Variants in AGPS observed in about 807,000 individuals in gnomAD.
The protein encoded by AGPS is alkylglycerone phosphate synthase, also known as alkyldihydroxyacetonephosphate synthase, peroxisomal.
A neutral mutation model predicts 90.7 loss-of-function variants in AGPS; 26 were observed. That is an observed-to-expected ratio of 0.29 (90% CI 0.21 to 0.40). The LOEUF (loss-of-function observed/expected upper bound fraction) is 0.40. AGPS is among the 10% of genes least tolerant of loss of function. The pLI, the probability that AGPS is intolerant of heterozygous loss-of-function variation, is 1.00. For missense variants in AGPS, 540 were observed against 816.1 expected (o/e 0.66, Z 4.12); for synonymous variants, 294 against 285.3 (o/e 1.03, Z -0.31).
intron 8 of AGPS, among the ~76,000 whole-genome samples, chr2:177,456,758 G>A (rs186164203): frequency 1.4e-3 from 219 of 152,016 alleles, no homozygotes; most frequent in Middle Eastern, 0.01. Context: ...GTGTAACACC[G>A]CACTGTTAAT....
At chr2:177,482,749 G>T (rs1299295975) in intron 11 of AGPS, among the ~76,000 whole-genome samples, 6 of 151,796 alleles carry the variant, frequency 4.0e-5, no homozygotes, top group Non-Finnish European at 8.8e-5. Flanking sequence ...AAGCTAAAAA[G>T]AATTTTTATT....
chr2:177,538,017 T>C, intron 19 of AGPS, 57 bp from the exon 20 acceptor site: 2 of 1,600,152 alleles, frequency 1.2e-6, no homozygotes, highest in Non-Finnish European at 1.7e-6. Context: ...GTCACAAGAT[T>C]GATTGGTTCC....
intron 5 of AGPS, among the ~76,000 whole-genome samples, chr2:177,438,584 G>T (rs549545661): frequency 6.6e-6 from 1 of 152,066 alleles, no homozygotes; most frequent in African/African-American, 2.4e-5. Flanking sequence ...TTCCAAATCA[G>T]TTCCTTCTCA....
chr2:177,408,828 G>T (rs773735605), intron 1 of AGPS, among the ~76,000 whole-genome samples: 3 of 152,148 alleles, frequency 2.0e-5, no homozygotes, highest in Admixed American at 2.0e-4. Flanking sequence ...AACAGATGAG[G>T]CTTCTATTCT....
chr2:177,513,300 C>T (rs189062603), intron 16 of AGPS, among the ~76,000 whole-genome samples: 1 of 151,720 alleles, frequency 6.6e-6, no homozygotes, highest in Admixed American at 6.6e-5. Context: ...TCACTGTTGC[C>T]CAGGCTAGTC....
At chr2:177,453,546 A>G (rs1436304842) in intron 8 of AGPS, among the ~76,000 whole-genome samples, 1 of 152,020 alleles carries the variant, frequency 6.6e-6, no homozygotes, top group Non-Finnish European at 1.5e-5. Flanking sequence ...CTGGGATTAT[A>G]GGCATGAGCC....
chr2:177,498,355 T>G (rs1465857979), intron 13 of AGPS, among the ~76,000 whole-genome samples: 1 of 151,644 alleles, frequency 6.6e-6, no homozygotes, highest in African/African-American at 2.4e-5. Context: ...GGTGTGCAGC[T>G]TCATGTTTTT....
chr2:177,397,354 A>G (rs971273399), intron 1 of AGPS, among the ~76,000 whole-genome samples: 4 of 152,054 alleles, frequency 2.6e-5, no homozygotes, highest in African/African-American at 9.7e-5. Flanking sequence ...CATGTTACCC[A>G]TGTACAGTTT....
chr2:177,440,831 A>G (rs970120017), intron 5 of AGPS, 134 bp from the exon 6 acceptor site: 34 of 715,416 alleles, frequency 4.8e-5, no homozygotes, highest in Admixed American at 3.6e-4. Context: ...TTAGTACTCA[A>G]TTAACTCATT....
chr2:177,421,991 G>C (rs984013225), intron 2 of AGPS, among the ~76,000 whole-genome samples: 2 of 151,628 alleles, frequency 1.3e-5, no homozygotes, highest in Non-Finnish European at 2.9e-5. Context: ...TATATGAGAA[G>C]GTGTGTGTGT....
intron 10 of AGPS, among the ~76,000 whole-genome samples, chr2:177,480,702 T>A (rs561835329): frequency 6.6e-5 from 10 of 152,050 alleles, no homozygotes; most frequent in African/African-American, 2.4e-4. Flanking sequence ...GTTGTGCACA[T>A]GTACCCTAGA....
chr2:177,532,775 A>T (rs964780396), intron 19 of AGPS, among the ~76,000 whole-genome samples: 1 of 152,210 alleles, frequency 6.6e-6, no homozygotes, highest in Non-Finnish European at 1.5e-5. Flanking sequence ...CATCCATACC[A>T]TAGGAATACT....
intron 14 of AGPS, 118 bp from the exon 15 acceptor site, chr2:177,505,388 T>C: frequency 1.1e-6 from 1 of 890,548 alleles, no homozygotes; most frequent in Non-Finnish European, 1.8e-6. Flanking sequence ...AACAGAAATA[T>C]TAAAAGTGTT....
chr2:177,420,238 G>T, intron 1 of AGPS, 31 bp from the exon 2 acceptor site: 1 of 1,363,756 alleles, frequency 7.3e-7, no homozygotes. Context: ...TTTAGCATTG[G>T]TCTCACTTAT....
intron 3 of AGPS, among the ~76,000 whole-genome samples, chr2:177,436,138 A>T (rs1166384223): frequency 2.6e-5 from 1 of 38,476 alleles, no homozygotes; most frequent in African/African-American, 8.0e-5. Context: ...AGAAATGCTG[A>T]ATTTTTTTTT....
At chr2:177,399,729 A>G (rs1011995079) in intron 1 of AGPS, among the ~76,000 whole-genome samples, 4 of 152,186 alleles carry the variant, frequency 2.6e-5, no homozygotes, top group Non-Finnish European at 4.4e-5. Context: ...CAGCATTACC[A>G]GTACTCTAGG....
In AGPS at chr2:177,461,999, A is replaced by G; in HGVS notation, c.977A>G (p.Tyr326Cys). 3 of 1,611,026 alleles carry G rather than the reference A, an allele frequency of 1.9e-6. No homozygotes were observed. The highest frequency in any genetic ancestry group is 2.5e-6 in the Non-Finnish European group (3 of 1,178,010). Residue 326 changes from tyrosine (Y) to cysteine (C), a missense_variant, in exon 9 of 20, where the codon TAT (tyrosine) becomes TGT (cysteine). This residue lies in a region of AGPS where 405 missense variants were observed against 692.1 expected (regional missense o/e 0.59). Coordinates refer to ENST00000264167, the MANE Select transcript of AGPS (RefSeq NM_003659.4). Reference sequence around the variant, plus strand: ...GCATCAGGCATGAAGAAGAATATCTATGGCAATATCGAGGACCTGGTAAAT... The same window carrying G: ...GCATCAGGCATGAAGAAGAATATCTGTGGCAATATCGAGGACCTGGTAAAT... ...TRASGMKKNIYGNIEDLVVHI... is the reference protein window; with the variant it reads ...TRASGMKKNICGNIEDLVVHI...
intron 11 of AGPS, among the ~76,000 whole-genome samples, chr2:177,489,872 C>T (rs1033538370): frequency 1.3e-5 from 2 of 152,178 alleles, no homozygotes; most frequent in African/African-American, 2.4e-5. Context: ...TATTCCCTCT[C>T]AGGTTAGTTT....
intron 13 of AGPS, among the ~76,000 whole-genome samples, chr2:177,498,910 G>A (rs1466524201): frequency 6.6e-6 from 1 of 151,406 alleles, no homozygotes; most frequent in Non-Finnish European, 1.5e-5. Context: ...TTTCCCTCTT[G>A]CTATTCAGAA....
Sources: allele counts gnomAD v4.1 joint callset (sites outside exome capture counted in the v4.1 genomes callset), GRCh38; gene constraint gnomAD v4.1.1; regional missense constraint gnomAD v4.1.1; transcripts MANE v1.5; gene names NCBI Gene and HGNC (gene_info 2026-07-23, HGNC 2026-07-21).